Variants in MTUS1 observed in about 807,000 individuals in gnomAD.
MTUS1 encodes microtubule-associated tumor suppressor 1.
In MTUS1, 109 loss-of-function variants were observed where a neutral mutation model predicts 120.8. The ratio of observed to expected loss-of-function variants is 0.90; its 90% confidence interval spans 0.77 to 1.06. The LOEUF is 1.06. Among genes scored for constraint, MTUS1 ranks in the 50% least tolerant of loss-of-function variants. The pLI is 0.00. For missense variants in MTUS1, 2,210 were observed against 1,486.3 expected (o/e 1.49, Z -8.01); for synonymous variants, 737 against 550.5 (o/e 1.34, Z -4.74).
chr8:17,778,056 T>G (rs749772155), intron 1 of MTUS1, among the ~76,000 whole-genome samples: 28 of 152,216 alleles, frequency 1.8e-4, no homozygotes, highest in Non-Finnish European at 3.7e-4. Flanking sequence ...ACTGATGCCA[T>G]TTTATTATCT....
At chr8:17,783,191 T>TA (rs1309235312) in intron 1 of MTUS1, among the ~76,000 whole-genome samples, 4 of 152,140 alleles carry the variant, frequency 2.6e-5, no homozygotes, top group African/African-American at 9.7e-5. Flanking sequence ...CTCCAAGAAA[T>TA]AAAGACGATT....
intron 8 of MTUS1, among the ~76,000 whole-genome samples, chr8:17,664,454 C>A (rs1234366724): frequency 6.6e-6 from 1 of 151,756 alleles, no homozygotes. Flanking sequence ...GACTCTCCCC[C>A]ACCCCACCCC....
chr8:17,654,677 C>G lies in MTUS1; in HGVS notation c.3109-11G>C. 3 of 1,600,678 alleles carry G rather than the reference C, an allele frequency of 1.9e-6. No individual in the cohort carries two copies. Among genetic ancestry groups the G allele is most frequent in the Non-Finnish European group, 2.6e-6 (3 of 1,167,760 alleles). ...ATTTAAGTTGTCAAACTGTAAGCAA[C>G]AAACAAAACCGTGGTTTAACAGTAA... On this transcript the variant is annotated splice_polypyrimidine_tract_variant and intron_variant, in intron 9 of 14. Transcript: ENST00000693296.
chr8:17,690,636 A>G (rs1412801770), intron 6 of MTUS1, among the ~76,000 whole-genome samples: 1 of 152,240 alleles, frequency 6.6e-6, no homozygotes, highest in African/African-American at 2.4e-5. Context: ...TACAATACAA[A>G]CAATAAATAA....
rs534938573 is a variant in MTUS1, at chr8:17,676,489, G to T, written c.2839-1237C>A. 4.6e-5 allele frequency: 28 copies of T among 603,316 alleles called. No homozygotes were observed. In the South Asian group the frequency reaches 4.9e-4, roughly 11 times the overall value. 37.4% of individuals were successfully genotyped at this position (603,316 alleles called of 1,614,324 possible). A position where few individuals can be genotyped will look rare whatever the true frequency, so the allele number is the denominator to read the frequency against. On this transcript the variant is annotated intron_variant, in intron 7 of 14. Transcript: ENST00000693296. Reference sequence around the variant, plus strand: ...CTTACTTCATGTCCTGCAGGTTACCGTGTGCCTCGGATTCCTCACTCACAG... The same window carrying T: ...CTTACTTCATGTCCTGCAGGTTACCTTGTGCCTCGGATTCCTCACTCACAG...
intron 3 of MTUS1, among the ~76,000 whole-genome samples, chr8:17,743,024 G>A (rs1049030535): frequency 7.9e-5 from 12 of 151,008 alleles, no homozygotes; most frequent in Non-Finnish European, 1.6e-4. Context: ...AGATCTGTAC[G>A]TCCGCCAAAT....
At chr8:17,721,712 T>A in intron 4 of MTUS1, 2 of 1,549,304 alleles carry the variant, frequency 1.3e-6, no homozygotes, top group Non-Finnish European at 1.7e-6. Flanking sequence ...GTCGACCTAC[T>A]TTTTTTCCCA....
chr8:17,760,993 G>A (rs2048997333), intron 1 of MTUS1, among the ~76,000 whole-genome samples: 3 of 152,060 alleles, frequency 2.0e-5, no homozygotes, highest in African/African-American at 2.4e-5. Flanking sequence ...TCCTTTCTAA[G>A]AGAATCATTT....
chr8:17,785,076 C>T (rs1027331616), intron 1 of MTUS1, among the ~76,000 whole-genome samples: 5 of 152,040 alleles, frequency 3.3e-5, no homozygotes, highest in Admixed American at 1.3e-4. Context: ...TGATCCACTG[C>T]GCCCCACCTA....
chr8:17,717,195 A>T (rs1822506043), intron 4 of MTUS1, among the ~76,000 whole-genome samples: 1 of 152,184 alleles, frequency 6.6e-6, no homozygotes, highest in Non-Finnish European at 1.5e-5. Flanking sequence ...CATTCCTAAT[A>T]TTAGGTCAAA....
chr8:17,730,133 C>T (rs897498356), intron 3 of MTUS1, among the ~76,000 whole-genome samples: 4 of 152,216 alleles, frequency 2.6e-5, no homozygotes, highest in Admixed American at 2.0e-4. Flanking sequence ...AAAATTAAAC[C>T]TGAAGTTACC....
intron 1 of MTUS1, among the ~76,000 whole-genome samples, chr8:17,783,195 G>A (rs943426026): frequency 2.6e-5 from 4 of 152,200 alleles, no homozygotes; most frequent in African/African-American, 9.7e-5. Context: ...AAGAAATAAA[G>A]ACGATTTGCT....
chr8:17,708,426 A>G (rs548687152), intron 6 of MTUS1, among the ~76,000 whole-genome samples: 1 of 152,306 alleles, frequency 6.6e-6, no homozygotes, highest in African/African-American at 2.4e-5. Flanking sequence ...AGGGATAGCT[A>G]TAATAAAAAA....
At chr8:17,789,277 C>T (rs535577752) in intron 1 of MTUS1, among the ~76,000 whole-genome samples, 8 of 152,192 alleles carry the variant, frequency 5.3e-5, no homozygotes, top group Non-Finnish European at 8.8e-5. Flanking sequence ...GTGATCTGCC[C>T]GCCTTGGCCT....
intron 4 of MTUS1, chr8:17,721,747 A>T (rs2045860864): frequency 6.2e-7 from 1 of 1,612,476 alleles, no homozygotes. Flanking sequence ...CAAAGGAATT[A>T]TACAAAGGCT....
At chr8:17,791,498 A>C (rs776484285) in intron 1 of MTUS1, among the ~76,000 whole-genome samples, 6 of 152,236 alleles carry the variant, frequency 3.9e-5, no homozygotes, top group African/African-American at 7.2e-5. Context: ...TGATGACTCA[A>C]TTGTCTTTCG....
At chr8:17,676,752 C>G (rs1042064223) in intron 7 of MTUS1, among the ~76,000 whole-genome samples, 1 of 152,094 alleles carries the variant, frequency 6.6e-6, no homozygotes, top group African/African-American at 2.4e-5. Context: ...TTTGATCACA[C>G]TTACTAATAG....
chr8:17,685,739 A>G (rs529077833), intron 6 of MTUS1, among the ~76,000 whole-genome samples: 4 of 152,354 alleles, frequency 2.6e-5, no homozygotes, highest in African/African-American at 4.8e-5. Flanking sequence ...ACATGGTTAA[A>G]TAAGTCATAT....
intron 1 of MTUS1, among the ~76,000 whole-genome samples, chr8:17,756,688 A>T (rs1180400512): frequency 3.8e-5 from 1 of 25,978 alleles, no homozygotes; most frequent in African/African-American, 1.1e-4. Flanking sequence ...CCCCTTATGT[A>T]ACTATGTTGG....
Sources: allele counts gnomAD v4.1 joint callset (sites outside exome capture counted in the v4.1 genomes callset), GRCh38; gene constraint gnomAD v4.1.1; transcripts MANE v1.5; gene names NCBI Gene and HGNC (gene_info 2026-07-23, HGNC 2026-07-21).